SERPINB13: variants seen among roughly 807,000 people sequenced by gnomAD.
SERPINB13 encodes serpin family B member 13.
SERPINB13 carries 26 observed loss-of-function variants against 31.2 expected under a neutral mutation model. The ratio of observed to expected loss-of-function variants is 0.83; its 90% CI spans 0.61 to 1.15. SERPINB13 has a LOEUF of 1.15. Among genes scored for constraint, SERPINB13 ranks in the 50% most tolerant of loss-of-function variants. The pLI is 0.00. For missense variants in SERPINB13, 510 were observed against 469.4 expected, an observed-to-expected ratio of 1.09 and a Z score of -0.80; for synonymous variants, 191 against 172.4, an observed-to-expected ratio of 1.11 and a Z score of -0.85.
chr18:63,592,931 T>C lies in SERPINB13; in HGVS notation c.432T>C (p.Ser144=), dbSNP rs750300299. 5.0e-6 allele frequency: 8 copies of C among 1,613,336 alleles called. No individual in the cohort carries two copies. The highest frequency in any genetic ancestry group is 6.8e-6 in the Non-Finnish European group (8 of 1,179,654). ...PVDFVNAADE[S]RKKINSWVES... Reference sequence around the variant, plus strand: ...ATTTTGTAAATGCAGCCGATGAAAGTCGAAAGAAGATTAATTCCTGGGTTG... The same window carrying C: ...ATTTTGTAAATGCAGCCGATGAAAGCCGAAAGAAGATTAATTCCTGGGTTG... The change falls in exon 5 of 8, where the codon AGT becomes AGC. Residue 144 remains serine, a synonymous_variant. Coordinates refer to ENST00000344731, the MANE Select transcript of SERPINB13 (RefSeq NM_012397.4).
intron 3 of SERPINB13, among the ~76,000 whole-genome samples, chr18:63,590,205 G>T (rs368875324): frequency 6.6e-6 from 1 of 152,144 alleles, no homozygotes; most frequent in Non-Finnish European, 1.5e-5. Context: ...TTTTAACCCC[G>T]TGCTGATGTT....
chr18:63,591,217 G>A (rs549903446), intron 3 of SERPINB13, among the ~76,000 whole-genome samples: 9 of 152,086 alleles, frequency 5.9e-5, no homozygotes, highest in Non-Finnish European at 1.3e-4. Context: ...TTCATTACAT[G>A]CCATATATTT....
intron 7 of SERPINB13, among the ~76,000 whole-genome samples, chr18:63,595,695 C>T (rs1023045823): frequency 6.6e-6 from 1 of 151,926 alleles, no homozygotes; most frequent in Non-Finnish European, 1.5e-5. Context: ...GTCAGGAGAT[C>T]GAGACCATCC....
At chr18:63,589,570 T>C in intron 2 of SERPINB13, 86 bp from the exon 3 acceptor site, 1 of 1,521,908 alleles carries the variant, frequency 6.6e-7, no homozygotes, top group Non-Finnish European at 8.8e-7. Context: ...GAGGTTTCTT[T>C]CAGAAGCGTC....
rs537618446 is a variant in SERPINB13 at position 63,592,901 on chromosome 18, T to C, written c.402T>C (p.Pro134=). 1.9e-6 allele frequency: 3 copies of C among 1,612,840 alleles called. No homozygotes were observed. Among genetic ancestry groups the C allele is most frequent in the African/African-American group, 1.3e-5 (1 of 74,992 alleles). The change falls in exon 5 of 8, where the codon CCT becomes CCC. Residue 134 remains proline, a synonymous_variant. Transcript: ENST00000344731. The part of the protein sequence containing the change: ...VEKYYHASLE[P]VDFVNAADES... ...AATATTATCATGCATCTCTGGAACC[T>C]GTTGATTTTGTAAATGCAGCCGATG...
In SERPINB13 at chr18:63,597,218, A is replaced by G; in HGVS notation, c.1031A>G (p.Glu344Gly). 6.2e-7 allele frequency: 1 copy of G among 1,614,180 alleles called. No homozygotes were observed. Among genetic ancestry groups the G allele is most frequent in the South Asian group, 1.1e-5 (1 of 91,084 alleles). The change falls in exon 8 of 8, where the codon GAG becomes GGG. Residue 344 changes from glutamate to glycine, a missense_variant. Transcript: ENST00000344731. ...SFVAVTEEGTEAAAATGIGFT... is the reference protein window; with the variant it reads ...SFVAVTEEGTGAAAATGIGFT... ...GTGGCAGTAACTGAGGAAGGCACCGAGGCTGCAGCTGCCACCGGCATAGGC... is the reference window on the plus strand; with the variant it reads ...GTGGCAGTAACTGAGGAAGGCACCGGGGCTGCAGCTGCCACCGGCATAGGC...
chr18:63,598,210 A>G lies in SERPINB13; in HGVS notation c.*847A>G, dbSNP rs1184391970. 1 of 151,690 alleles carries G rather than the reference A, an allele frequency of 6.6e-6. No individual in the cohort carries two copies. The highest frequency in any genetic ancestry group is 2.4e-5 in the African/African-American group (1 of 41,252). The allele number at this position is 151,690 out of a possible 1,614,324, so 9.4% of individuals were successfully genotyped here. A position where few individuals can be genotyped will look rare whatever the true frequency, so the allele number is the denominator to read the frequency against. ...TCTGAATCTATACCTAATGCTCTTA[A>G]TTATTGGCTTGTTTCATTTTTTTCC... On this transcript the variant is annotated 3_prime_UTR_variant, in exon 8 of 8. Coordinates refer to ENST00000344731, the MANE Select transcript of SERPINB13 (RefSeq NM_012397.4).
rs1244806371 is a variant in SERPINB13, at chr18:63,597,923, T to C, written c.*560T>C. On this transcript the variant is annotated 3_prime_UTR_variant, in exon 8 of 8. Transcript: ENST00000344731. ...TGGAGAGGATGCCCGTATTTTCATC[T>C]TCCATTCTAACATTATCCATTGTTA... 1 of 152,908 alleles carries C rather than the reference T, an allele frequency of 6.5e-6. No individual in the cohort carries two copies. Among genetic ancestry groups the C allele is most frequent in the Non-Finnish European group, 1.5e-5 (1 of 68,538 alleles). The allele number at this position is 152,908 out of a possible 1,614,324, so 9.5% of individuals were successfully genotyped here.
intron 3 of SERPINB13, among the ~76,000 whole-genome samples, chr18:63,590,927 A>G (rs1043369561): frequency 3.8e-4 from 58 of 152,328 alleles, no homozygotes; most frequent in Non-Finnish European, 5.6e-4. Context: ...CTGGCTTGGC[A>G]TGTACCCGTT....
At chr18:63,588,976 T>A (rs1911683276) in intron 2 of SERPINB13, 144 bp downstream of exon 2, 7 of 911,812 alleles carry the variant, frequency 7.7e-6, no homozygotes, top group Middle Eastern at 3.5e-4. Context: ...CAAGGAGCAA[T>A]TTCAGGTCTA....
At chr18:63,595,760 G>A (rs1429453251) in intron 7 of SERPINB13, among the ~76,000 whole-genome samples, 1 of 152,050 alleles carries the variant, frequency 6.6e-6, no homozygotes, top group Non-Finnish European at 1.5e-5. Flanking sequence ...TTAGCCTGGC[G>A]TGGTTGTGGG....
rs1426663508 is a variant in SERPINB13, at chr18:63,597,916, T to C, written c.*553T>C. 1 of 152,834 alleles carries C rather than the reference T, an allele frequency of 6.5e-6. No homozygotes were observed. Among genetic ancestry groups the C allele is most frequent in the Non-Finnish European group, 1.5e-5 (1 of 68,516 alleles). The allele number at this position is 152,834 out of a possible 1,614,324, so 9.5% of individuals were successfully genotyped here. On this transcript the variant is annotated 3_prime_UTR_variant, in exon 8 of 8. Transcript: ENST00000344731. ...TACCAGATGGAGAGGATGCCCGTAT[T>C]TTCATCTTCCATTCTAACATTATCC...
chr18:63,592,313 A>G (rs1911899697), intron 3 of SERPINB13, 35 bp from the exon 4 acceptor site: 3 of 1,593,720 alleles, frequency 1.9e-6, no homozygotes, highest in Non-Finnish European at 2.6e-6. Flanking sequence ...GCTTTTGCCA[A>G]GATAACCTGT....
chr18:63,589,811 C>A, intron 3 of SERPINB13, 96 bp downstream of exon 3: 1 of 1,591,594 alleles, frequency 6.3e-7, no homozygotes, highest in South Asian at 1.2e-5. Context: ...GGGAAAAGGA[C>A]TGAGAAAGGC....
chr18:63,588,703 G>C lies in SERPINB13; in HGVS notation c.36G>C (p.Gly12=), dbSNP rs1911657434. The change falls in exon 2 of 8, where the codon GGG becomes GGC. Residue 12 remains glycine (G), a synonymous_variant. Coordinates refer to ENST00000344731, the MANE Select transcript of SERPINB13 (RefSeq NM_012397.4). The part of the protein sequence containing the change: ...DSLGAVSTRL[G]FDLFKELKKT... ...TTGGCGCCGTCAGCACTCGACTTGGGTTTGATCTTTTCAAAGAGCTGAAGA... is the reference window on the plus strand; with the variant it reads ...TTGGCGCCGTCAGCACTCGACTTGGCTTTGATCTTTTCAAAGAGCTGAAGA... 3 of 1,614,030 alleles carry C rather than the reference G, an allele frequency of 1.9e-6. No individual in the cohort carries two copies. The highest frequency in any genetic ancestry group is 2.2e-5 in the South Asian group (2 of 91,088).
At chr18:63,590,986 GC>G (rs1387382145) in intron 3 of SERPINB13, among the ~76,000 whole-genome samples, 2 of 152,116 alleles carry the variant, frequency 1.3e-5, no homozygotes, top group Non-Finnish European at 2.9e-5. Flanking sequence ...TTTAAAAAAT[GC>G]TGATAAAATC....
At chr18:63,594,918 T>TA (rs1169475025) in intron 6 of SERPINB13, 111 bp from the exon 7 acceptor site, 1 of 965,200 alleles carries the variant, frequency 1.0e-6, no homozygotes, top group African/African-American at 1.6e-5. Context: ...GAGACTCTGA[T>TA]ATTGGGTTTT....
At chr18:63,591,806 A>G (rs1021449947) in intron 3 of SERPINB13, among the ~76,000 whole-genome samples, 2 of 152,074 alleles carry the variant, frequency 1.3e-5, no homozygotes, top group East Asian at 3.9e-4. Flanking sequence ...AGAATATGAA[A>G]ACTTCAATCA....
chr18:63,596,637 A>G (rs550058817), intron 7 of SERPINB13, among the ~76,000 whole-genome samples: 4 of 152,346 alleles, frequency 2.6e-5, no homozygotes, highest in Non-Finnish European at 5.9e-5. Flanking sequence ...TGTGATTGCA[A>G]CTATGTAAAT....
Sources: gnomAD v4.1 joint callset for allele counts (sites outside exome capture counted in the v4.1 genomes callset) on GRCh38, gnomAD v4.1.1 for gene constraint, MANE v1.5 for transcripts, NCBI Gene and HGNC (gene_info 2026-07-23, HGNC 2026-07-21) for gene names.